ST14: variants seen among roughly 807,000 people sequenced by gnomAD.
ST14 encodes ST14 transmembrane serine protease matriptase.
ST14 carries 40 observed loss-of-function variants against 96.5 expected under a neutral mutation model. The ratio of observed to expected loss-of-function variants is 0.41; its 90% confidence interval spans 0.32 to 0.54. The LOEUF (loss-of-function observed/expected upper bound fraction) is 0.54, where lower values mean the gene tolerates loss of function less well. Among genes scored for constraint, ST14 ranks in the 20% least tolerant of loss-of-function variants. The pLI, the probability that ST14 is intolerant of heterozygous loss-of-function variation, is 0.17. For missense variants in ST14, 1,066 were observed against 1,188.9 expected, an observed-to-expected ratio of 0.90 and a Z score of 1.52; for synonymous variants, 506 against 492.1, an observed-to-expected ratio of 1.03 and a Z score of -0.37.
chr11:130,189,591 G>C (rs1428613487), intron 4 of ST14, 148 bp from the exon 5 acceptor site: 1 of 1,014,636 alleles, frequency 9.9e-7, no homozygotes, highest in Admixed American at 2.2e-5. Flanking sequence ...GTGGAAAGAG[G>C]GATGACACAA....
intron 1 of ST14, among the ~76,000 whole-genome samples, chr11:130,186,938 G>A (rs1953243363): frequency 6.6e-6 from 1 of 152,194 alleles, no homozygotes; most frequent in Admixed American, 6.5e-5. Context: ...CACAAATATG[G>A]CCAATTAGGA....
In ST14 at chr11:130,188,961, A is replaced by G. The variant is rs746310243; in HGVS notation, c.440+22A>G. The G allele has an allele frequency of 6.9e-6, 11 of 1,600,552 alleles. No homozygotes were observed. In the Middle Eastern group the frequency reaches 6.6e-4, roughly 96 times the overall value. ...TCAGGTGGGTGTGGAGAGAAGGCTC[A>G]GTGGGATGCACCCCAGACTGGCTGG... On this transcript the variant is annotated intron_variant, in intron 4 of 18. Transcript: ENST00000278742. This position sits in a 1 kb window ranked among gnomAD's most constrained non-coding sequence, Gnocchi z 5.4.
chr11:130,160,738 A>G (rs1188816451), intron 1 of ST14, among the ~76,000 whole-genome samples: 1 of 152,238 alleles, frequency 6.6e-6, no homozygotes, highest in Non-Finnish European at 1.5e-5. Flanking sequence ...TGAAAGACCT[A>G]TTGAAAGATC....
intron 7 of ST14, among the ~76,000 whole-genome samples, chr11:130,192,417 C>T (rs1242858413): frequency 1.3e-5 from 2 of 152,244 alleles, no homozygotes; most frequent in Admixed American, 1.3e-4. Context: ...GAGATGGAAT[C>T]TCGCTCTGTC....
In ST14 at chr11:130,198,989, A is replaced by C. The variant is rs189346187; in HGVS notation, c.1727A>C (p.Asn576Thr). ...ACCAAACACACCTACCGCTGCCTCAATGGGCTCTGCTTGAGCAAGGGCAAC... is the reference window on the plus strand; with the variant it reads ...ACCAAACACACCTACCGCTGCCTCACTGGGCTCTGCTTGAGCAAGGGCAAC... ...TCTKHTYRCL[N>T]GLCLSKGNPE... Residue 576 changes from asparagine (N) to threonine (T), a missense_variant, in exon 15 of 19, where the codon AAT becomes ACT. Transcript: ENST00000278742. The C allele has an allele frequency of 6.2e-7, 1 of 1,614,012 alleles. No individual in the cohort carries two copies. Among genetic ancestry groups the C allele is most frequent in the Admixed American group, 1.7e-5 (1 of 60,024 alleles).
chr11:130,198,398 A>G lies in ST14; in HGVS notation c.1550A>G (p.Asn517Ser), dbSNP rs1180098906. ...GACAGTGTGAACGACTGCGGAGACAACAGCGACGAGCAGGGGTGCAGTGAG... is the reference window on the plus strand; with the variant it reads ...GACAGTGTGAACGACTGCGGAGACAGCAGCGACGAGCAGGGGTGCAGTGAG... ...VCDSVNDCGDNSDEQGCSCPA... is the reference protein window; with the variant it reads ...VCDSVNDCGDSSDEQGCSCPA... The change falls in exon 13 of 19, where the codon AAC becomes AGC. Residue 517 changes from asparagine (N) to serine (S), a missense_variant. Asn to Ser is a conservative substitution (Grantham distance 46). Coordinates refer to ENST00000278742, the MANE Select transcript of ST14 (RefSeq NM_021978.4). The G allele has an allele frequency of 6.2e-7, 1 of 1,614,066 alleles. No homozygotes were observed. The highest frequency in any genetic ancestry group is 1.1e-5 in the South Asian group (1 of 91,092).
At chr11:130,180,441 C>A (rs1202860462) in intron 1 of ST14, among the ~76,000 whole-genome samples, 2 of 152,216 alleles carry the variant, frequency 1.3e-5, no homozygotes, top group African/African-American at 4.8e-5. Flanking sequence ...TGGTTGGAAT[C>A]TTGTGTGGCT....
Position 130,197,857 on chromosome 11 carries a change from C to T in ST14, c.1371C>T (p.Phe457=), listed in dbSNP as rs1415879241. 6.3e-7 allele frequency: 1 copy of T among 1,584,158 alleles called. No individual in the cohort carries two copies. The highest frequency in any genetic ancestry group is 1.7e-5 in the Admixed American group (1 of 57,452). Residue 457 remains phenylalanine, a synonymous_variant, in exon 12 of 19, where the codon TTC becomes TTT. Transcript: ENST00000278742. ...TGCCCGCAGCATGCCCGGGGCAGTT[C>T]ACGTGCCGCACGGGGCGGTGTATCC... The part of the protein sequence containing the change: ...YDSSDPCPGQ[F]TCRTGRCIRK...
In ST14 at chr11:130,196,870, A is replaced by C. The variant is rs1591892103; in HGVS notation, c.1354+170A>C. On this transcript the variant is annotated intron_variant, in intron 11 of 18. Coordinates refer to ENST00000278742, the MANE Select transcript of ST14 (RefSeq NM_021978.4). Reference sequence around the variant, plus strand: ...GAAAACACGCTACCTTTGATGCATTAATGAAAGCAGGCTGGCTGTGAGCGC... The same window carrying C: ...GAAAACACGCTACCTTTGATGCATTCATGAAAGCAGGCTGGCTGTGAGCGC... The C allele has an allele frequency of 5.2e-6, 5 of 963,234 alleles. No homozygotes were observed. The East Asian group carries it at 1.3e-4, about 25-fold the overall frequency. The allele number at this position is 963,234 out of a possible 1,614,324, so 59.7% of individuals were successfully genotyped here.
rs373925098 is a variant in ST14, at chr11:130,190,512, C to T, written c.693C>T (p.Pro231=). Residue 231 remains proline (P), a synonymous_variant, in exon 7 of 19, where the codon CCC becomes CCT. Coordinates refer to ENST00000278742, the MANE Select transcript of ST14 (RefSeq NM_021978.4). ...TGGAGCTGATGCGCTTCACCACGCC[C>T]GGCTTCCCTGACAGCCCCTACCCCG... is the stretch of plus-strand genomic sequence containing the variant. ...RGVELMRFTT[P]GFPDSPYPAH... 3.0e-4 allele frequency: 484 copies of T among 1,609,794 alleles called. 2 individuals are homozygous for T. Among genetic ancestry groups the T allele is most frequent in the Non-Finnish European group, 1.7e-4 (196 of 1,179,848 alleles).
chr11:130,179,870 G>T (rs1456368462), intron 1 of ST14, among the ~76,000 whole-genome samples: 34 of 152,202 alleles, frequency 2.2e-4, no homozygotes, highest in Non-Finnish European at 1.5e-5. Flanking sequence ...AGCCAGTCCG[G>T]CAGGGAGCGG....
In ST14 at chr11:130,188,041, A is replaced by G; in HGVS notation, c.82-73A>G. On this transcript the variant is annotated intron_variant, in intron 1 of 18. Transcript: ENST00000278742. This position sits in a 1 kb window ranked among gnomAD's most constrained non-coding sequence, Gnocchi z 5.4. ...TCCAAGCTGGACCTCACAAAATGTG[A>G]ACATCTTCCCCAGCGGGGTGCAGGG... is the stretch of plus-strand genomic sequence containing the variant. 1 of 1,583,874 alleles carries G rather than the reference A, an allele frequency of 6.3e-7. No individual in the cohort carries two copies. The highest frequency in any genetic ancestry group is 8.6e-7 in the Non-Finnish European group (1 of 1,164,438).
In ST14 at chr11:130,174,988, G is replaced by A. The variant is rs562215217; in HGVS notation, c.82-13126G>A. On this transcript the variant is annotated intron_variant, in intron 1 of 18. Coordinates refer to ENST00000278742, the MANE Select transcript of ST14 (RefSeq NM_021978.4). Reference sequence around the variant, plus strand: ...TACCTTATGGGTACCTGATAATTACGCGTCTAGTATATCTTGCATGGCTCT... The same window carrying A: ...TACCTTATGGGTACCTGATAATTACACGTCTAGTATATCTTGCATGGCTCT... 2.5e-4 allele frequency among the ~76,000 whole-genome samples: 38 copies of A among 152,244 alleles called. No individual in the cohort carries two copies. The South Asian group carries it at 5.8e-3, about 23-fold the overall frequency.
chr11:130,206,618 A>G (rs1323265681), intron 16 of ST14, among the ~76,000 whole-genome samples: 3 of 137,518 alleles, frequency 2.2e-5, no homozygotes, highest in Non-Finnish European at 4.7e-5. Flanking sequence ...CCCAGGCTGG[A>G]GTTCAGTGGT....
At chr11:130,183,108 G>C (rs1476232035) in intron 1 of ST14, among the ~76,000 whole-genome samples, 2 of 151,218 alleles carry the variant, frequency 1.3e-5, no homozygotes, top group South Asian at 2.1e-4. Flanking sequence ...AGGCGTCCAC[G>C]ACCACGCCTG....
chr11:130,161,175 C>A (rs969647459), intron 1 of ST14, among the ~76,000 whole-genome samples: 3 of 152,172 alleles, frequency 2.0e-5, no homozygotes, highest in African/African-American at 7.2e-5. Context: ...GCACCACAGA[C>A]AGGACCTGGG....
intron 7 of ST14, among the ~76,000 whole-genome samples, chr11:130,191,959 T>C (rs1243629897): frequency 6.6e-6 from 1 of 152,198 alleles, no homozygotes; most frequent in Non-Finnish European, 1.5e-5. Context: ...AGTCCTTTCC[T>C]ATCTCTAAGC....
At chr11:130,192,181 C>T (rs1479923030) in intron 7 of ST14, among the ~76,000 whole-genome samples, 2 of 152,176 alleles carry the variant, frequency 1.3e-5, no homozygotes, top group Non-Finnish European at 1.5e-5. Flanking sequence ...GCTCGGCGGA[C>T]GTTTCCTGAT....
chr11:130,194,875 T>C (rs7102397), intron 9 of ST14, 138 bp downstream of exon 9: 18,391 of 792,096 alleles, frequency 0.023, 246 homozygotes, highest in Middle Eastern at 0.029. Context: ...TGTGTGTGTG[T>C]GCGTATGTGT....
Sources: gnomAD v4.1 joint callset for allele counts (sites outside exome capture counted in the v4.1 genomes callset) on GRCh38, gnomAD v4.1.1 for gene constraint, Gnocchi (gnomAD v3.1) non-coding constraint, MANE v1.5 for transcripts, NCBI Gene and HGNC (gene_info 2026-07-23, HGNC 2026-07-21) for gene names.